RFPL2: variants seen among roughly 807,000 people sequenced by gnomAD.
RFPL2 encodes the protein ret finger protein-like 2.
Under a neutral mutation model 17.8 loss-of-function variants are expected in RFPL2, and 13 were observed. That is an observed-to-expected ratio of 0.73 (90% CI 0.47 to 1.16). The LOEUF (loss-of-function observed/expected upper bound fraction) is 1.16. Among genes scored for constraint, RFPL2 ranks in the 50% most tolerant of loss-of-function variants. RFPL2 has a pLI of 0.00. For synonymous variants in RFPL2, 189 were observed against 180.9 expected (o/e 1.04, Z -0.36); for missense variants, 431 against 479.3 (o/e 0.90, Z 0.94).
At chr22:32,202,917 C>T in intron 1 of RFPL2, 1 of 998,362 alleles carries the variant, frequency 1.0e-6, no homozygotes, top group Non-Finnish European at 1.2e-6. Context: ...GGGTCCCAGG[C>T]GGTCTCTGCA....
chr22:32,200,109 T>C (rs896124675), intron 2 of RFPL2: 6 of 404,368 alleles, frequency 1.5e-5, no homozygotes, highest in African/African-American at 6.4e-5. Flanking sequence ...GAGCAACAAG[T>C]ACACAGCCAG....
Position 32,194,390 on chromosome 22 carries a change from C to T in RFPL2, c.220G>A (p.Ala74Thr), listed in dbSNP as rs752867545. Residue 74 changes from alanine (A) to threonine (T), a missense_variant, in exon 3 of 5, where the codon GCC (alanine) becomes ACC (threonine). Coordinates refer to ENST00000652607, the MANE Select transcript of RFPL2 (RefSeq NM_001394555.1). ...SCAPSPQDLSAQWKQLEDRGA... is the reference protein window; with the variant it reads ...SCAPSPQDLSTQWKQLEDRGA... ...CTGTCCTCCAGCTGCTTCCACTGGG[C>T]GCTCAGGTCTTGTGGGGAAGGGGCA... 11 of 1,606,484 alleles carry T rather than the reference C, an allele frequency of 6.8e-6. No individual in the cohort carries two copies. The South Asian group carries it at 7.8e-5, about 11-fold the overall frequency.
chr22:32,197,755 G>C (rs1175127559), intron 2 of RFPL2, among the ~76,000 whole-genome samples: 1 of 152,098 alleles, frequency 6.6e-6, no homozygotes, highest in African/African-American at 2.4e-5. Flanking sequence ...TTTTATGGCT[G>C]CATAGTATTC....
rs781025820 is a variant in RFPL2, at chr22:32,194,403, T to C, written c.207A>G (p.Pro69=). ...TNKRPSCAPS[P]QDLSAQWKQL... ...GCTTCCACTGGGCGCTCAGGTCTTG[T>C]GGGGAAGGGGCACACGAGGGCCTTT... The change falls in exon 3 of 5, where the codon CCA becomes CCG. Residue 69 remains proline, a synonymous_variant. Transcript: ENST00000652607. 6.2e-7 allele frequency: 1 copy of C among 1,608,672 alleles called. No homozygotes were observed.
At chr22:32,201,887 G>A (rs895234690) in intron 2 of RFPL2, among the ~76,000 whole-genome samples, 1 of 152,166 alleles carries the variant, frequency 6.6e-6, no homozygotes, top group African/African-American at 2.4e-5. Flanking sequence ...CTCTCCCACG[G>A]CTCCTGTTTG....
chr22:32,204,371 T>C (rs116086411), intron 1 of RFPL2, among the ~76,000 whole-genome samples: 3,151 of 151,942 alleles, frequency 0.021, 94 homozygotes, highest in African/African-American at 0.065. Flanking sequence ...GGAAATGACG[T>C]CCGGTAAAGC....
chr22:32,198,564 C>G (rs1923596128), intron 2 of RFPL2, among the ~76,000 whole-genome samples: 1 of 151,980 alleles, frequency 6.6e-6, no homozygotes, highest in Non-Finnish European at 1.5e-5. Flanking sequence ...ATGGAGGACC[C>G]GGCTGACTGT....
chr22:32,195,361 A>G (rs1327560088), intron 2 of RFPL2, among the ~76,000 whole-genome samples: 1 of 152,194 alleles, frequency 6.6e-6, no homozygotes, highest in Non-Finnish European at 1.5e-5. Context: ...ACATGTAATA[A>G]TTGTACATAT....
chr22:32,190,495 AG>A lies in RFPL2; in HGVS notation c.*276del. 3.3e-6 allele frequency: 1 copy of A among 307,178 alleles called. No homozygotes were observed. Among genetic ancestry groups the A allele is most frequent in the Non-Finnish European group, 5.9e-6 (1 of 168,900 alleles). The allele number at this position is 307,178 out of a possible 1,614,324, so 19.0% of individuals were successfully genotyped here. ...CTATAATACATTAATTTGAACTTGC[AG>A]AAATAAAAAAGTAAAGCATTTGGAA... is the stretch of plus-strand genomic sequence containing the variant. On this transcript the variant is annotated 3_prime_UTR_variant, in exon 5 of 5. Transcript: ENST00000652607.
rs201619870 is a variant in RFPL2 at position 32,191,118 on chromosome 22, C to T, written c.791G>A (p.Arg264His). The change falls in exon 5 of 5, where the codon CGC becomes CAC. Residue 264 changes from arginine (R) to histidine (H), a missense_variant. Physicochemically the swap from Arg to His is conservative, Grantham distance 29. Coordinates refer to ENST00000652607, the MANE Select transcript of RFPL2 (RefSeq NM_001394555.1). ...TGTGGTCAGCTGGATCCTCCCTTTG[C>T]GGTGAACAGATTCTCTGCAGACTCC... ...DLGVCRESVH[R>H]KGRIQLTTEL... 4.6e-4 allele frequency: 748 copies of T among 1,613,970 alleles called. No individual in the cohort carries two copies. The highest frequency in any genetic ancestry group is 5.5e-4 in the Non-Finnish European group (646 of 1,179,868).
In RFPL2 at chr22:32,202,553, A is replaced by G. The variant is rs1924041182; in HGVS notation, c.-99-3T>C. ...CGGGCAGACAAAGCCAGAAAAGCCTAGAACAGGATGCAGAGTGGTAACATT... is the reference window on the plus strand; with the variant it reads ...CGGGCAGACAAAGCCAGAAAAGCCTGGAACAGGATGCAGAGTGGTAACATT... On this transcript the variant is annotated splice_region_variant and splice_polypyrimidine_tract_variant and intron_variant, in intron 1 of 4. Transcript: ENST00000652607. 2.6e-6 allele frequency: 4 copies of G among 1,516,740 alleles called. No individual in the cohort carries two copies. The highest frequency in any genetic ancestry group is 3.5e-6 in the Non-Finnish European group (4 of 1,134,902). 94.0% of individuals were successfully genotyped at this position (1,516,740 alleles called of 1,614,324 possible).
At chr22:32,203,662 G>A (rs567328592) in intron 1 of RFPL2, among the ~76,000 whole-genome samples, 1 of 151,178 alleles carries the variant, frequency 6.6e-6, no homozygotes, top group African/African-American at 2.4e-5. Context: ...CATGGGTAGC[G>A]CCCCCAACCA....
intron 1 of RFPL2, 88 bp from the exon 2 acceptor site, chr22:32,202,638 C>T (rs191169917): frequency 1.4e-6 from 2 of 1,415,310 alleles, no homozygotes; most frequent in Non-Finnish European, 1.8e-6. Context: ...CGAAGGTACT[C>T]ACACCCACAC....
chr22:32,196,812 C>T (rs1369099435), intron 2 of RFPL2, among the ~76,000 whole-genome samples: 2 of 152,140 alleles, frequency 1.3e-5, no homozygotes, highest in East Asian at 1.9e-4. Context: ...AGCCAGGGCA[C>T]AGAGAGCCAG....
chr22:32,193,225 T>C (rs1364211575), intron 3 of RFPL2, 33 bp from the exon 4 acceptor site: 7 of 1,613,864 alleles, frequency 4.3e-6, no homozygotes, highest in Non-Finnish European at 5.9e-6. Context: ...GGTAAAAAAA[T>C]TTCCATGAGG....
rs8135276 is a variant in RFPL2 at position 32,193,103 on chromosome 22, C to T, written c.355G>A (p.Ala119Thr). 235,149 of 1,613,324 alleles carry T rather than the reference C, an allele frequency of 0.15. 18,044 individuals are homozygous for T. Among genetic ancestry groups the T allele is most frequent in the Non-Finnish European group, 0.16 (187,545 of 1,179,416 alleles). The change falls in exon 4 of 5, where the codon GCC becomes ACC. Residue 119 changes from alanine to threonine, a missense_variant. By Grantham distance (58) the Ala-to-Thr change is moderately conservative (BLOSUM62 0). Coordinates refer to ENST00000652607, the MANE Select transcript of RFPL2 (RefSeq NM_001394555.1). ...GAATTAATGCACTTGAGGCAGACGG[C>T]GCATCCACACTCCAGGGACATTGGT... ...EKPMSLECGC[A>T]VCLKCINSLQ...
chr22:32,202,588 C>T, intron 1 of RFPL2, 38 bp from the exon 2 acceptor site: 1 of 1,441,198 alleles, frequency 6.9e-7, no homozygotes, highest in South Asian at 1.5e-5. Flanking sequence ...TAGAGCGCAC[C>T]TTGTCATGCT....
At chr22:32,195,864 C>G (rs1201768893) in intron 2 of RFPL2, among the ~76,000 whole-genome samples, 5 of 152,092 alleles carry the variant, frequency 3.3e-5, no homozygotes, top group Non-Finnish European at 7.4e-5. Context: ...TGTGCTAGAG[C>G]CCATTTCTCC....
Position 32,204,820 on chromosome 22 carries a change from G to T in RFPL2, c.-213C>A, listed in dbSNP as rs1447498652. Among the ~76,000 whole-genome samples the T allele has an allele frequency of 6.6e-6, 1 of 152,220 alleles. No individual in the cohort carries two copies. The highest frequency in any genetic ancestry group is 1.5e-5 in the Non-Finnish European group (1 of 68,038). On this transcript the variant is annotated 5_prime_UTR_variant, in exon 1 of 5. Coordinates refer to ENST00000652607, the MANE Select transcript of RFPL2 (RefSeq NM_001394555.1). ...GGTTTCTGGACTACATGTTCAGATT[G>T]GATGAGAGAAAAACCTCTAGGTCTA...
Sources: allele counts gnomAD v4.1 joint callset (sites outside exome capture counted in the v4.1 genomes callset), GRCh38; gene constraint gnomAD v4.1.1; transcripts MANE v1.5; gene names NCBI Gene and HGNC (gene_info 2026-07-23, HGNC 2026-07-21).